Variants in CADM2 observed in about 807,000 individuals in gnomAD.
The protein encoded by CADM2 is cell adhesion molecule 2.
A neutral mutation model predicts 49.8 loss-of-function variants in CADM2; 12 were observed. The ratio of observed to expected loss-of-function variants is 0.24; its 90% CI spans 0.15 to 0.39. The LOEUF is 0.39. Ranked by LOEUF, CADM2 falls within the 10% of genes least tolerant of loss-of-function variation. The pLI is 1.00. For missense variants in CADM2, 378 were observed against 492.3 expected (o/e 0.77, Z 2.20); for synonymous variants, 214 against 175.4 (o/e 1.22, Z -1.74).
chr3:85,479,934 TGGTTTA>T (rs2039140367), intron 1 of CADM2, among the ~76,000 whole-genome samples: 1 of 151,944 alleles, frequency 6.6e-6, no homozygotes, highest in African/African-American at 2.4e-5. Flanking sequence ...TTTCTATATT[TGGTTTA>T]CCACGTAACT....
intron 1 of CADM2, among the ~76,000 whole-genome samples, chr3:85,082,751 G>A (rs994052587): frequency 6.6e-6 from 1 of 152,018 alleles, no homozygotes; most frequent in African/African-American, 2.4e-5. Context: ...CCAGAATGAG[G>A]AGCCATCATA....
At chr3:85,041,009 T>C (rs1336609994) in intron 1 of CADM2, among the ~76,000 whole-genome samples, 1 of 152,208 alleles carries the variant, frequency 6.6e-6, no homozygotes, top group Non-Finnish European at 1.5e-5. Context: ...CTTTTTCTTG[T>C]AATTAAATAT....
At chr3:85,267,301 G>A (rs1256085090) in intron 1 of CADM2, among the ~76,000 whole-genome samples, 2 of 151,666 alleles carry the variant, frequency 1.3e-5, no homozygotes, top group South Asian at 4.1e-4. Flanking sequence ...TGGCATTTAA[G>A]GATCTGCCTT....
At chr3:85,976,099 T>C (rs1227239877) in intron 8 of CADM2, among the ~76,000 whole-genome samples, 1 of 151,616 alleles carries the variant, frequency 6.6e-6, no homozygotes, top group Non-Finnish European at 1.5e-5. Flanking sequence ...TTTTATGATG[T>C]ATGTGTGCAT....
Position 85,412,866 on chromosome 3 carries a change from G to T in CADM2, c.62-313656G>T, listed in dbSNP as rs550284912. On this transcript the variant is annotated intron_variant, in intron 1 of 9. Transcript: ENST00000383699. ...AGTTATGAATTTTCCTTATTAAAAT[G>T]CTGATTTTAAAAATAGCCATTTGAG... 1.4e-4 allele frequency among the ~76,000 whole-genome samples: 21 copies of T among 151,976 alleles called. No individual in the cohort carries two copies. In the East Asian group the frequency reaches 4.1e-3, roughly 29 times the overall value.
At chr3:85,844,803 A>C (rs145684509) in intron 3 of CADM2, among the ~76,000 whole-genome samples, 72 of 152,188 alleles carry the variant, frequency 4.7e-4, no homozygotes, top group African/African-American at 1.6e-3. Context: ...GGTCATCTTA[A>C]TTAACTGGAT....
At chr3:85,037,927 A>G (rs945229196) in intron 1 of CADM2, among the ~76,000 whole-genome samples, 10 of 151,856 alleles carry the variant, frequency 6.6e-5, no homozygotes, top group Non-Finnish European at 1.2e-4. Flanking sequence ...TTTAATTACA[A>G]ATGTATTTAC....
Position 85,702,647 on chromosome 3 carries a change from T to C in CADM2, c.62-23875T>C, listed in dbSNP as rs186273969. Among the ~76,000 whole-genome samples the C allele has an allele frequency of 7.9e-5, 12 of 152,330 alleles. No homozygotes were observed. In the East Asian group the frequency reaches 2.3e-3, roughly 29 times the overall value. ...AATGATTTGTATATCTGAAGTATTG[T>C]TCATGTAGGTAAGGTATGATAACTT... On this transcript the variant is annotated intron_variant, in intron 1 of 9. Transcript: ENST00000383699.
Position 85,359,666 on chromosome 3 carries a change from A to ATATTTTTTT in CADM2, c.62-366855_62-366854insATTTTTTTT. On this transcript the variant is annotated intron_variant, in intron 1 of 9. Transcript: ENST00000383699. ...TATATATATATATATATATATATAT[A>ATATTTTTTT]TTTTTTTTTTTGGTGGAGGGGAGAA... Among the ~76,000 whole-genome samples the ATATTTTTTT allele has an allele frequency of 1.0e-3, 27 of 26,552 alleles. 1 individual carries two copies. The East Asian group carries it at 0.021, about 21-fold the overall frequency. The allele number at this position is 26,552 out of a possible 152,430, so 17.4% of individuals were successfully genotyped here. A position where few individuals can be genotyped will look rare whatever the true frequency, so the allele number is the denominator to read the frequency against.
intron 1 of CADM2, among the ~76,000 whole-genome samples, chr3:85,353,199 G>A (rs2031519559): frequency 6.6e-6 from 1 of 151,964 alleles, no homozygotes; most frequent in African/African-American, 2.4e-5. Context: ...CAAAGCTCAA[G>A]GTACACTTAT....
intron 1 of CADM2, among the ~76,000 whole-genome samples, chr3:85,050,054 C>G (rs973946091): frequency 5.3e-5 from 8 of 151,770 alleles, no homozygotes; most frequent in Non-Finnish European, 1.2e-4. Context: ...TCAATATAAT[C>G]TTTATGGGGA....
At chr3:85,699,643 G>A (rs573404689) in intron 1 of CADM2, among the ~76,000 whole-genome samples, 2 of 152,304 alleles carry the variant, frequency 1.3e-5, no homozygotes, top group South Asian at 4.1e-4. Flanking sequence ...GGGATGCAGG[G>A]AGCATTGTCC....
chr3:84,976,137 T>G (rs2031800605), intron 1 of CADM2, among the ~76,000 whole-genome samples: 1 of 151,858 alleles, frequency 6.6e-6, no homozygotes, highest in Non-Finnish European at 1.5e-5. Context: ...TGTATTATAA[T>G]ACTTTCTAGC....
intron 1 of CADM2, among the ~76,000 whole-genome samples, chr3:85,294,411 C>A (rs1014312979): frequency 4.6e-5 from 7 of 151,684 alleles, no homozygotes; most frequent in South Asian, 2.1e-4. Context: ...GCTACCAATG[C>A]CTTTCTTCAC....
chr3:85,159,162 T>A, intron 1 of CADM2, among the ~76,000 whole-genome samples: 1 of 152,358 alleles, frequency 6.6e-6, no homozygotes, highest in Non-Finnish European at 1.5e-5. Flanking sequence ...AAAATAATTT[T>A]ACATGATTGC....
intron 8 of CADM2, among the ~76,000 whole-genome samples, chr3:86,037,117 A>G (rs1228131737): frequency 6.6e-6 from 1 of 152,182 alleles, no homozygotes; most frequent in East Asian, 1.9e-4. Flanking sequence ...AGTTGAGTAT[A>G]CAGTTGCTGT....
At chr3:85,119,327 G>A (rs983707329) in intron 1 of CADM2, among the ~76,000 whole-genome samples, 4 of 152,096 alleles carry the variant, frequency 2.6e-5, no homozygotes, top group Non-Finnish European at 5.9e-5. Context: ...CATTATTTCT[G>A]AAACCTTTGT....
chr3:85,364,865 C>CCTA (rs577478034), intron 1 of CADM2, among the ~76,000 whole-genome samples: 1 of 88,944 alleles, frequency 1.1e-5, no homozygotes, highest in African/African-American at 2.8e-5. Context: ...TATGCTTGTT[C>CCTA]CTACAACAAC....
At position 85,431,860 on chromosome 3, in the gene CADM2, C is replaced by CATATGTATATATATATATAT. The variant is rs139257494; in HGVS notation, c.62-294658_62-294657insGTATATATATATATATATAT. 8.3e-4 allele frequency among the ~76,000 whole-genome samples: 43 copies of CATATGTATATATATATATAT among 51,856 alleles called. 15 individuals carry two copies. Among genetic ancestry groups the CATATGTATATATATATATAT allele is most frequent in the East Asian group, 7.9e-3 (14 of 1,772 alleles). The allele number at this position is 51,856 out of a possible 152,430, so 34.0% of individuals were successfully genotyped here. A position where few individuals can be genotyped will look rare whatever the true frequency, so the allele number is the denominator to read the frequency against. On this transcript the variant is annotated intron_variant, in intron 1 of 9. Coordinates refer to ENST00000383699, the MANE Select transcript of CADM2 (RefSeq NM_001167675.2). Reference sequence around the variant, plus strand: ...AACACCATGGTCTTATGCTTAATTGCATATATATATATGCCATGCTCTTTC... The same window carrying CATATGTATATATATATATAT: ...AACACCATGGTCTTATGCTTAATTGCATATGTATATATATATATATATATATATATATGCCATGCTCTTTC...
Sources: gnomAD v4.1 joint callset for allele counts (sites outside exome capture counted in the v4.1 genomes callset) on GRCh38, gnomAD v4.1.1 for gene constraint, MANE v1.5 for transcripts, NCBI Gene and HGNC (gene_info 2026-07-23, HGNC 2026-07-21) for gene names.